The following EPHA6 variants were observed in gnomAD, a reference collection of about 807,000 sequenced individuals.
The protein encoded by EPHA6 is ephrin type-A receptor 6.
In EPHA6, 50 loss-of-function variants were observed where a neutral mutation model predicts 112.0. The observed-to-expected ratio is 0.45, with a 90% CI of 0.36 to 0.56. The LOEUF is 0.56. Ranked by LOEUF, EPHA6 falls within the 20% of genes least tolerant of loss-of-function variation. The pLI is 0.00. For missense variants in EPHA6, 1,280 were observed against 1,417.4 expected (o/e 0.90, Z 1.56); for synonymous variants, 529 against 490.7 (o/e 1.08, Z -1.03).
chr3:97,514,152 T>A (rs1189170651), intron 10 of EPHA6, among the ~76,000 whole-genome samples: 1 of 152,162 alleles, frequency 6.6e-6, no homozygotes, highest in Non-Finnish European at 1.5e-5. Context: ...CTGGCTAAAA[T>A]CAGGGTGTTG....
intron 14 of EPHA6, among the ~76,000 whole-genome samples, chr3:97,640,527 T>C (rs924272444): frequency 6.6e-6 from 1 of 151,998 alleles, no homozygotes; most frequent in Admixed American, 6.6e-5. Flanking sequence ...TCCCAGCACT[T>C]TGGGAAGCCG....
chr3:97,178,735 A>G (rs1481844597), intron 3 of EPHA6, among the ~76,000 whole-genome samples: 1 of 151,934 alleles, frequency 6.6e-6, no homozygotes, highest in Non-Finnish European at 1.5e-5. Flanking sequence ...GCTCCATTGT[A>G]TGTTATTCGT....
rs1256557884 is a variant in EPHA6, at chr3:96,922,621, C to T, written c.450+55732C>T. On this transcript the variant is annotated intron_variant, in intron 2 of 17. Transcript: ENST00000389672. The stretch of plus-strand genomic sequence containing the variant: ...TGTATGATATTTGTAATCATTAAAT[C>T]AAAGCAATGCAATTCATTCCACTTT... Among the ~76,000 whole-genome samples the T allele has an allele frequency of 5.3e-5, 8 of 151,874 alleles. 1 individual carries two copies. The highest frequency in any genetic ancestry group is 4.2e-4 in the South Asian group (2 of 4,816).
intron 5 of EPHA6, among the ~76,000 whole-genome samples, chr3:97,299,862 A>G (rs1255679114): frequency 6.6e-6 from 1 of 152,202 alleles, no homozygotes; most frequent in Non-Finnish European, 1.5e-5. Flanking sequence ...TTAATTCAAC[A>G]TATTTCACAA....
Position 96,870,616 on chromosome 3 carries a change from A to C in EPHA6, c.450+3727A>C, listed in dbSNP as rs115143754. Among the ~76,000 whole-genome samples, 127 of 152,238 alleles carry C rather than the reference A, an allele frequency of 8.3e-4. 1 individual carries two copies. The highest frequency in any genetic ancestry group is 2.9e-3 in the African/African-American group (121 of 41,580). ...TTTAGCCTAGTCATGTTGATACATA[A>C]AATTAACCATCACAGTTAGGAAAAT... On this transcript the variant is annotated intron_variant, in intron 2 of 17. Coordinates refer to ENST00000389672, the MANE Select transcript of EPHA6 (RefSeq NM_001080448.3).
chr3:97,747,494 T>C lies in EPHA6; in HGVS notation c.3200T>C (p.Ile1067Thr). The change falls in exon 17 of 18, where the codon ATA becomes ACA. Residue 1067 changes from isoleucine (I) to threonine (T), a missense_variant. Transcript: ENST00000389672. The stretch of plus-strand genomic sequence containing the variant: ...ACAGTTGGTGACTGGCTAGATTCTA[T>C]AAAGATGGGGCAATACAAGAATAAC... ...FVTVGDWLDSIKMGQYKNNFV... is the reference protein window; with the variant it reads ...FVTVGDWLDSTKMGQYKNNFV... 1.2e-6 allele frequency: 2 copies of C among 1,610,112 alleles called. No individual in the cohort carries two copies. The highest frequency in any genetic ancestry group is 1.7e-6 in the Non-Finnish European group (2 of 1,177,976).
At chr3:96,836,973 G>A (rs2034454100) in intron 1 of EPHA6, among the ~76,000 whole-genome samples, 1 of 152,092 alleles carries the variant, frequency 6.6e-6, no homozygotes, top group Non-Finnish European at 1.5e-5. Flanking sequence ...GACACCCAGA[G>A]ATTAAGTAAC....
At chr3:97,013,720 A>G (rs1029066709) in intron 3 of EPHA6, among the ~76,000 whole-genome samples, 3 of 152,224 alleles carry the variant, frequency 2.0e-5, no homozygotes, top group South Asian at 2.1e-4. Flanking sequence ...CCCAAAATTG[A>G]TAATCTTGAA....
At chr3:96,879,936 G>GAT (rs1276600713) in intron 2 of EPHA6, among the ~76,000 whole-genome samples, 2 of 151,876 alleles carry the variant, frequency 1.3e-5, no homozygotes, top group African/African-American at 4.8e-5. Context: ...GGTATAAGAT[G>GAT]ATATCATCAG....
chr3:97,676,171 A>G (rs2031354953), intron 14 of EPHA6, among the ~76,000 whole-genome samples: 1 of 152,160 alleles, frequency 6.6e-6, no homozygotes, highest in South Asian at 2.1e-4. Flanking sequence ...ATTTAAAGCC[A>G]TGAGACTGAA....
intron 2 of EPHA6, among the ~76,000 whole-genome samples, chr3:96,940,780 T>G (rs1185408625): frequency 6.6e-6 from 1 of 152,186 alleles, no homozygotes; most frequent in Non-Finnish European, 1.5e-5. Flanking sequence ...AGGAGCTCTT[T>G]TAGGGCAGGC....
chr3:97,054,190 AC>A (rs2108095964), intron 3 of EPHA6, among the ~76,000 whole-genome samples: 1 of 151,892 alleles, frequency 6.6e-6, no homozygotes, highest in Admixed American at 6.6e-5. Context: ...ACACACACAC[AC>A]ACACAACAGA....
chr3:97,064,836 A>G (rs1029756983), intron 3 of EPHA6, among the ~76,000 whole-genome samples: 3 of 152,184 alleles, frequency 2.0e-5, no homozygotes, highest in African/African-American at 7.2e-5. Flanking sequence ...AAGCTCCTGT[A>G]CTTCACAAAC....
chr3:97,049,466 T>C (rs2045616363), intron 3 of EPHA6, among the ~76,000 whole-genome samples: 1 of 152,182 alleles, frequency 6.6e-6, no homozygotes, highest in Non-Finnish European at 1.5e-5. Context: ...ATGCTGGTGT[T>C]GTATCATGTT....
At chr3:97,648,604 C>A in intron 14 of EPHA6, 1 of 1,149,506 alleles carries the variant, frequency 8.7e-7, no homozygotes, top group Non-Finnish European at 1.1e-6. Flanking sequence ...CTTTCATTAA[C>A]ATGAGTAAAT....
intron 3 of EPHA6, among the ~76,000 whole-genome samples, chr3:97,016,505 G>A (rs539193063): frequency 1.3e-5 from 2 of 152,032 alleles, no homozygotes; most frequent in Non-Finnish European, 2.9e-5. Flanking sequence ...ACTTTAAAAT[G>A]CATACAATTC....
At chr3:96,847,151 C>T (rs2035119302) in intron 1 of EPHA6, among the ~76,000 whole-genome samples, 1 of 151,878 alleles carries the variant, frequency 6.6e-6, no homozygotes, top group African/African-American at 2.4e-5. Flanking sequence ...TTTATTTTTG[C>T]TTCAATTTTT....
intron 2 of EPHA6, among the ~76,000 whole-genome samples, chr3:96,961,990 C>G (rs2041961612): frequency 6.6e-6 from 1 of 152,138 alleles, no homozygotes; most frequent in Non-Finnish European, 1.5e-5. Context: ...TAAGTGGAGC[C>G]TAATCCTACC....
chr3:97,253,879 A>G (rs1279171686), intron 5 of EPHA6, among the ~76,000 whole-genome samples: 3 of 152,022 alleles, frequency 2.0e-5, no homozygotes, highest in African/African-American at 7.2e-5. Context: ...TGACCTATTT[A>G]TTTAGTAGCT....
Sources: allele counts gnomAD v4.1 joint callset (sites outside exome capture counted in the v4.1 genomes callset), GRCh38; gene constraint gnomAD v4.1.1; transcripts MANE v1.5; gene names NCBI Gene and HGNC (gene_info 2026-07-23, HGNC 2026-07-21).